The following CNTNAP3B variants were observed in gnomAD, a reference collection of about 807,000 sequenced individuals.
CNTNAP3B encodes contactin associated protein family member 3B.
Under a neutral mutation model 108.9 loss-of-function variants are expected in CNTNAP3B, and 25 were observed. The ratio of observed to expected loss-of-function variants is 0.23; its 90% CI spans 0.17 to 0.32. The LOEUF (loss-of-function observed/expected upper bound fraction) is 0.32, where lower values mean the gene tolerates loss of function less well. Ranked by LOEUF, CNTNAP3B falls within the 10% of genes least tolerant of loss-of-function variation. The pLI, the probability that CNTNAP3B is intolerant of heterozygous loss-of-function variation, is 1.00. For missense variants in CNTNAP3B, 252 were observed against 1,210.4 expected, an observed-to-expected ratio of 0.21 and a Z score of 11.75; for synonymous variants, 103 against 473.4, an observed-to-expected ratio of 0.22 and a Z score of 10.16.
intron 3 of CNTNAP3B, among the ~76,000 whole-genome samples, chr9:42,041,903 G>A (rs1212485140): frequency 6.9e-6 from 1 of 144,622 alleles, no homozygotes; most frequent in African/African-American, 2.7e-5. Context: ...ATACAATGCA[G>A]CCATAAAAAA....
chr9:41,926,137 CCAG>C (rs1823812738), intron 15 of CNTNAP3B, among the ~76,000 whole-genome samples: 17 of 152,242 alleles, frequency 1.1e-4, no homozygotes. Context: ...CGTTTTTAAC[CCAG>C]CACCACAGGG....
At chr9:41,968,656 G>A (rs890783433) in intron 10 of CNTNAP3B, among the ~76,000 whole-genome samples, 3 of 142,542 alleles carry the variant, frequency 2.1e-5, no homozygotes, top group African/African-American at 8.2e-5. Context: ...CGTTTTTTTA[G>A]TATGTCACTA....
chr9:41,922,057 C>T (rs1165909788), intron 17 of CNTNAP3B, among the ~76,000 whole-genome samples: 2 of 144,792 alleles, frequency 1.4e-5, no homozygotes, highest in Admixed American at 1.4e-4. Flanking sequence ...GTGAATGGTT[C>T]AAGTTTGGGG....
chr9:42,021,788 A>G lies in CNTNAP3B; in HGVS notation c.391-8263T>C, dbSNP rs1162417238. ...ACAACATGAGGCACATGGAAGTTCA[A>G]TGTCCTAGGGTCAAAGCTGAGCTCT... On this transcript the variant is annotated intron_variant, in intron 3 of 23. Coordinates refer to ENST00000377561, the MANE Select transcript of CNTNAP3B (RefSeq NM_001201380.3). Among the ~76,000 whole-genome samples, 7 of 132,736 alleles carry G rather than the reference A, an allele frequency of 5.3e-5. No homozygotes were observed. In the South Asian group the frequency reaches 1.5e-3, roughly 29 times the overall value. 87.1% of individuals were successfully genotyped at this position (132,736 alleles called of 152,430 possible).
Position 41,953,289 on chromosome 9 carries a change from C to G in CNTNAP3B, c.1974G>C (p.Ala658=). ...GCAGCTGCCCCGCGCCCGCTGCGTA[C>G]GCGAAGGACACAGCCGAGAGCGGGT... ...SGHPLSAVSF[A]YAAGAGQLRA... Residue 658 remains alanine (A), a synonymous_variant, in exon 13 of 24, where the codon GCG becomes GCC. Transcript: ENST00000377561. 4 of 1,530,450 alleles carry G rather than the reference C, an allele frequency of 2.6e-6. No individual in the cohort carries two copies. Among genetic ancestry groups the G allele is most frequent in the Non-Finnish European group, 3.5e-6 (4 of 1,147,174 alleles). 94.8% of individuals were successfully genotyped at this position (1,530,450 alleles called of 1,614,324 possible). A position where few individuals can be genotyped will look rare whatever the true frequency, so the allele number is the denominator to read the frequency against.
intron 3 of CNTNAP3B, among the ~76,000 whole-genome samples, chr9:42,030,171 G>A (rs1372512312): frequency 3.4e-5 from 3 of 87,670 alleles, no homozygotes; most frequent in African/African-American, 5.4e-5. Context: ...GAAAAAAAAA[G>A]AAGACTGAAA....
chr9:42,033,330 G>A (rs1344457793), intron 3 of CNTNAP3B, among the ~76,000 whole-genome samples: 2 of 150,566 alleles, frequency 1.3e-5, no homozygotes, highest in Non-Finnish European at 2.9e-5. Context: ...TAAGTGAAAA[G>A]CTAATTTAGC....
At chr9:42,122,385 T>C (rs1157781216) in intron 1 of CNTNAP3B, among the ~76,000 whole-genome samples, 3 of 136,644 alleles carry the variant, frequency 2.2e-5, no homozygotes, top group Non-Finnish European at 3.1e-5. Flanking sequence ...AACCCAAAAC[T>C]TTCCTAACTT....
intron 1 of CNTNAP3B, among the ~76,000 whole-genome samples, chr9:42,114,655 A>AC (rs1413014692): frequency 8.8e-6 from 1 of 113,162 alleles, no homozygotes; most frequent in Admixed American, 9.1e-5. Context: ...CCTCCGAGCA[A>AC]CCACTATACA....
intron 14 of CNTNAP3B, among the ~76,000 whole-genome samples, chr9:41,931,722 C>A (rs1425186582): frequency 6.7e-6 from 1 of 149,964 alleles, no homozygotes; most frequent in Non-Finnish European, 1.5e-5. Flanking sequence ...ATGTCTCCTG[C>A]TGAATGAGGT....
chr9:41,961,480 C>T (rs1401960079), intron 11 of CNTNAP3B, among the ~76,000 whole-genome samples: 15 of 152,300 alleles, frequency 9.8e-5, no homozygotes, highest in Non-Finnish European at 1.6e-4. Flanking sequence ...AGGAAGAAAC[C>T]CTCATTCTCC....
At chr9:42,125,682 T>G (rs1828554168) in intron 1 of CNTNAP3B, among the ~76,000 whole-genome samples, 1 of 134,942 alleles carries the variant, frequency 7.4e-6, no homozygotes, top group African/African-American at 3.0e-5. Context: ...TTTTTTTGTT[T>G]TTTTTTGAGA....
rs1402803051 is a variant in CNTNAP3B, at chr9:42,129,179, C to G, written c.-85G>C. 2.0e-6 allele frequency: 3 copies of G among 1,476,114 alleles called. No homozygotes were observed. Among genetic ancestry groups the G allele is most frequent in the East Asian group, 2.6e-5 (1 of 38,102 alleles). 91.4% of individuals were successfully genotyped at this position (1,476,114 alleles called of 1,614,324 possible). A position where few individuals can be genotyped will look rare whatever the true frequency, so the allele number is the denominator to read the frequency against. The stretch of plus-strand genomic sequence containing the variant: ...CTGCTCTCACTCCCGCTCTCACTCC[C>G]GTCCCCTGCGCGGCTCCGACGCTGC... On this transcript the variant is annotated 5_prime_UTR_variant, in exon 1 of 24. Transcript: ENST00000377561.
chr9:41,990,560 A>C (rs78970878), intron 8 of CNTNAP3B, among the ~76,000 whole-genome samples: 1 of 103,672 alleles, frequency 9.6e-6, no homozygotes, highest in Non-Finnish European at 1.9e-5. Flanking sequence ...GTATAGTCAC[A>C]TGTGCCTCTT....
At chr9:42,087,007 T>G (rs1327500946) in intron 2 of CNTNAP3B, among the ~76,000 whole-genome samples, 1,818 of 129,038 alleles carry the variant, frequency 0.014, 27 homozygotes, top group African/African-American at 0.04. Flanking sequence ...TGTTTTATAG[T>G]GTTCCATGAA....
intron 13 of CNTNAP3B, among the ~76,000 whole-genome samples, chr9:41,943,085 T>A (rs1824410729): frequency 6.6e-6 from 1 of 152,296 alleles, no homozygotes; most frequent in Non-Finnish European, 1.5e-5. Context: ...CTAAGGGCTC[T>A]ATGTTGAAAA....
At chr9:41,959,064 CTG>C (rs1216413941) in intron 12 of CNTNAP3B, among the ~76,000 whole-genome samples, 5 of 142,270 alleles carry the variant, frequency 3.5e-5, no homozygotes, top group Non-Finnish European at 7.6e-5. Flanking sequence ...TGGAAGAAAA[CTG>C]TCATTCTGTA....
chr9:41,918,023 A>G (rs1823565874), intron 18 of CNTNAP3B, among the ~76,000 whole-genome samples: 1 of 152,308 alleles, frequency 6.6e-6, no homozygotes, highest in African/African-American at 2.4e-5. Flanking sequence ...CATTTTCTAA[A>G]GACTTTCAAT....
At chr9:42,077,931 A>T (rs1827526290) in intron 2 of CNTNAP3B, among the ~76,000 whole-genome samples, 1 of 42,990 alleles carries the variant, frequency 2.3e-5, no homozygotes, top group South Asian at 6.8e-4. Flanking sequence ...GAATTAGGGG[A>T]CACTCGAAAA....
Sources: allele counts gnomAD v4.1 joint callset (sites outside exome capture counted in the v4.1 genomes callset), GRCh38; gene constraint gnomAD v4.1.1; transcripts MANE v1.5; gene names NCBI Gene and HGNC (gene_info 2026-07-23, HGNC 2026-07-21).